The following TMC1 variants were observed in gnomAD, a reference collection of about 807,000 sequenced individuals.
TMC1 encodes the protein transmembrane channel like 1, also known as transmembrane channel-like protein 1.
Under a neutral mutation model 105.8 loss-of-function variants are expected in TMC1, and 84 were observed. The observed-to-expected ratio is 0.79, with a 90% CI of 0.67 to 0.95. TMC1 has a LOEUF of 0.95. Among genes scored for constraint, TMC1 ranks in the 40% least tolerant of loss-of-function variants. TMC1 has a pLI of 0.00. For missense variants in TMC1, 817 were observed against 914.1 expected, an observed-to-expected ratio of 0.89 and a Z score of 1.37; for synonymous variants, 315 against 311.5, an observed-to-expected ratio of 1.01 and a Z score of -0.12.
At chr9:72,680,089 A>G (rs183155606) in intron 5 of TMC1, among the ~76,000 whole-genome samples, 57 of 152,214 alleles carry the variant, frequency 3.7e-4, no homozygotes, top group East Asian at 3.5e-3. Flanking sequence ...CATTGTTCCA[A>G]CTAACAAACC....
At chr9:72,797,385 A>T (rs1036236170) in intron 17 of TMC1, among the ~76,000 whole-genome samples, 7 of 152,254 alleles carry the variant, frequency 4.6e-5, no homozygotes, top group Middle Eastern at 6.8e-3. Context: ...ATTCCTATGG[A>T]ACCAAAAAAG....
At chr9:72,624,013 T>C (rs2099995) in intron 3 of TMC1, among the ~76,000 whole-genome samples, 15,267 of 152,144 alleles carry the variant, frequency 0.1, 949 homozygotes, top group African/African-American at 0.16. Flanking sequence ...ATGTGTTGAT[T>C]CTGGTAAGGA....
chr9:72,558,168 T>TTCTCTCTC (rs968870403), intron 1 of TMC1, among the ~76,000 whole-genome samples: 6 of 150,660 alleles, frequency 4.0e-5, no homozygotes, highest in Non-Finnish European at 5.9e-5. Context: ...CTTTCTCTCT[T>TTCTCTCTC]TCTCTCTCTC....
At chr9:72,677,517 C>A (rs1203977653) in intron 5 of TMC1, among the ~76,000 whole-genome samples, 1 of 152,168 alleles carries the variant, frequency 6.6e-6, no homozygotes, top group Non-Finnish European at 1.5e-5. Context: ...ACATAAAATT[C>A]ACTTCCACAC....
chr9:72,772,570 T>C lies in TMC1; in HGVS notation c.884+15T>C, dbSNP rs372509718. On this transcript the variant is annotated intron_variant, in intron 13 of 23. Transcript: ENST00000297784. ...GTCCTCAAAGCGTAAGTTTCATTTG[T>C]CTTTTGGGAAGCAAATAATGATTTC... The C allele has an allele frequency of 1.7e-5, 28 of 1,613,748 alleles. No homozygotes were observed. Among genetic ancestry groups the C allele is most frequent in the Middle Eastern group, 3.3e-4 (2 of 6,060 alleles).
chr9:72,603,885 A>ATTTT (rs1824867029), intron 2 of TMC1, among the ~76,000 whole-genome samples: 1 of 75,910 alleles, frequency 1.3e-5, no homozygotes, highest in African/African-American at 5.0e-5. Context: ...TTCTTTTTTG[A>ATTTT]GACGGAATTT....
At chr9:72,744,835 AACAG>A (rs1454132246) in intron 10 of TMC1, among the ~76,000 whole-genome samples, 1 of 152,228 alleles carries the variant, frequency 6.6e-6, no homozygotes, top group Non-Finnish European at 1.5e-5. Flanking sequence ...GTGAAACAAA[AACAG>A]ACAGAATTAT....
At chr9:72,611,189 A>G (rs1327147315) in intron 2 of TMC1, among the ~76,000 whole-genome samples, 2 of 152,196 alleles carry the variant, frequency 1.3e-5, no homozygotes, top group African/African-American at 2.4e-5. Flanking sequence ...TAATTGTATT[A>G]TTGGGAACCA....
intron 2 of TMC1, among the ~76,000 whole-genome samples, chr9:72,606,243 G>A (rs1824910238): frequency 6.6e-6 from 1 of 152,170 alleles, no homozygotes; most frequent in South Asian, 2.1e-4. Context: ...CTTGCCATCG[G>A]CTTCTCCACA....
chr9:72,825,605 TTCATCAGC>T (rs1828939213), intron 20 of TMC1, among the ~76,000 whole-genome samples: 1 of 152,174 alleles, frequency 6.6e-6, no homozygotes, highest in Non-Finnish European at 1.5e-5. Context: ...TCTAACTACG[TTCATCAGC>T]TATGACCTGA....
At chr9:72,555,811 T>C (rs11143325) in intron 1 of TMC1, among the ~76,000 whole-genome samples, 86,708 of 150,594 alleles carry the variant, frequency 0.58, 26,619 homozygotes, top group African/African-American at 0.81. Flanking sequence ...TTAGTAGAGA[T>C]GGGGTTTCAC....
intron 1 of TMC1, among the ~76,000 whole-genome samples, chr9:72,568,598 T>G (rs1020775638): frequency 2.6e-5 from 4 of 152,192 alleles, no homozygotes; most frequent in African/African-American, 9.7e-5. Context: ...TATGAAATCA[T>G]GATTGCTTAC....
chr9:72,648,901 A>G (rs534132850), intron 5 of TMC1, among the ~76,000 whole-genome samples: 22 of 152,240 alleles, frequency 1.4e-4, no homozygotes, highest in African/African-American at 5.3e-4. Flanking sequence ...GGTAAGTGCT[A>G]AAACTGACCT....
chr9:72,767,521 A>G (rs1026120752), intron 12 of TMC1, among the ~76,000 whole-genome samples: 5 of 152,206 alleles, frequency 3.3e-5, no homozygotes, highest in African/African-American at 1.2e-4. Context: ...ATATTGGGCA[A>G]ATAGTAAGTT....
chr9:72,566,331 G>C (rs1416365840), intron 1 of TMC1, among the ~76,000 whole-genome samples: 2 of 152,116 alleles, frequency 1.3e-5, no homozygotes, highest in Non-Finnish European at 2.9e-5. Flanking sequence ...CAGTTTCCTG[G>C]ATTACCTCTC....
chr9:72,590,445 G>T (rs1448822883), intron 2 of TMC1, among the ~76,000 whole-genome samples: 1 of 152,178 alleles, frequency 6.6e-6, no homozygotes, highest in Non-Finnish European at 1.5e-5. Flanking sequence ...TCATGGTTAT[G>T]ATCTTGAAAA....
intron 5 of TMC1, among the ~76,000 whole-genome samples, chr9:72,672,468 G>C (rs971205028): frequency 1.3e-5 from 2 of 151,852 alleles, no homozygotes; most frequent in Admixed American, 6.6e-5. Flanking sequence ...CCAATTAAAA[G>C]TTAAAAATGG....
chr9:72,756,322 A>G (rs1471622367), intron 12 of TMC1, among the ~76,000 whole-genome samples: 1 of 152,210 alleles, frequency 6.6e-6, no homozygotes, highest in Non-Finnish European at 1.5e-5. Context: ...AGCAAAATTT[A>G]AAAAAAGGAA....
rs527696406 is a variant in TMC1 at position 72,650,925 on chromosome 9, A to T, written c.16+2261A>T. ...ATAAATATATATAGATATATATATAAATATATATAGGTATATATATGTCAC... is the reference window on the plus strand; with the variant it reads ...ATAAATATATATAGATATATATATATATATATATAGGTATATATATGTCAC... On this transcript the variant is annotated intron_variant, in intron 5 of 23. Transcript: ENST00000297784. Among the ~76,000 whole-genome samples, 334 of 140,550 alleles carry T rather than the reference A, an allele frequency of 2.4e-3. 1 individual carries two copies. Among genetic ancestry groups the T allele is most frequent in the Non-Finnish European group, 4.0e-3 (261 of 65,004 alleles). The allele number at this position is 140,550 out of a possible 152,430, so 92.2% of individuals were successfully genotyped here. A position where few individuals can be genotyped will look rare whatever the true frequency, so the allele number is the denominator to read the frequency against.
Sources: allele counts gnomAD v4.1 joint callset (sites outside exome capture counted in the v4.1 genomes callset), GRCh38; gene constraint gnomAD v4.1.1; transcripts MANE v1.5; gene names NCBI Gene and HGNC (gene_info 2026-07-23, HGNC 2026-07-21).